Variants in INPP5F observed in about 807,000 individuals in gnomAD.
The protein encoded by INPP5F is phosphatidylinositide 4-phosphatase SAC2.
A neutral mutation model predicts 137.2 loss-of-function variants in INPP5F; 97 were observed. That is an observed-to-expected ratio of 0.71 (90% CI 0.60 to 0.84). The LOEUF is 0.84. Ranked by LOEUF, INPP5F falls within the 40% of genes least tolerant of loss-of-function variation. INPP5F has a pLI of 0.00. For missense variants in INPP5F, 1,271 were observed against 1,371.9 expected, an observed-to-expected ratio of 0.93 and a Z score of 1.16; for synonymous variants, 504 against 476.9, an observed-to-expected ratio of 1.06 and a Z score of -0.74.
At chr10:119,805,657 A>G (rs190396440) in intron 11 of INPP5F, among the ~76,000 whole-genome samples, 196 bp downstream of exon 11, 1 of 152,250 alleles carries the variant, frequency 6.6e-6, no homozygotes, top group Admixed American at 6.5e-5. Flanking sequence ...GAGGGTGTGA[A>G]ATGGTCAGGC....
At chr10:119,759,841 TTTC>T (rs1224335800) in intron 2 of INPP5F, among the ~76,000 whole-genome samples, 1 of 152,180 alleles carries the variant, frequency 6.6e-6, no homozygotes, top group African/African-American at 2.4e-5. Context: ...TCCTGTTCCT[TTTC>T]TTCTCTCCTC....
chr10:119,813,350 T>C (rs969983411), intron 15 of INPP5F, among the ~76,000 whole-genome samples: 1 of 152,128 alleles, frequency 6.6e-6, no homozygotes, highest in Non-Finnish European at 1.5e-5. Flanking sequence ...GCAATTATAT[T>C]AATAAAAATA....
At chr10:119,759,556 A>C (rs1002157628) in intron 2 of INPP5F, among the ~76,000 whole-genome samples, 23 of 151,374 alleles carry the variant, frequency 1.5e-4, no homozygotes, top group African/African-American at 5.3e-4. Flanking sequence ...GGGTTTCATC[A>C]TGTTGGCCAG....
chr10:119,789,467 C>T (rs142317696), intron 3 of INPP5F, among the ~76,000 whole-genome samples: 1 of 152,078 alleles, frequency 6.6e-6, no homozygotes, highest in East Asian at 1.9e-4. Flanking sequence ...GCTCTGCTGC[C>T]CCAGTGATGC....
intron 1 of INPP5F, among the ~76,000 whole-genome samples, chr10:119,731,538 C>A (rs1848067183): frequency 1.3e-5 from 2 of 152,014 alleles, no homozygotes; most frequent in Non-Finnish European, 1.5e-5. Context: ...GTGGCGGGTG[C>A]CTATAATCCC....
chr10:119,799,564 A>G (rs2134229728), intron 9 of INPP5F, among the ~76,000 whole-genome samples: 1 of 152,294 alleles, frequency 6.6e-6, no homozygotes, highest in African/African-American at 2.4e-5. Context: ...GAAAAAAAAT[A>G]TGAGGTTTGA....
chr10:119,764,966 C>T (rs1273422155), intron 2 of INPP5F, among the ~76,000 whole-genome samples: 1 of 151,566 alleles, frequency 6.6e-6, no homozygotes, highest in Non-Finnish European at 1.5e-5. Context: ...GAGTTTCCCT[C>T]TTGTCGCCCA....
rs61736542 is a variant in INPP5F, at chr10:119,827,404, C to A, written c.3023C>A (p.Pro1008His). The A allele has an allele frequency of 3.7e-6, 6 of 1,614,142 alleles. No individual in the cohort carries two copies. Among genetic ancestry groups the A allele is most frequent in the Non-Finnish European group, 5.1e-6 (6 of 1,179,998 alleles). ...ETQSESTEQT[P>H]SRPSQLDVSL... ...CAATCAGAATCAACAGAACAGACACCTTCTCGGCCATCGCAATTAGATGTC... is the reference window on the plus strand; with the variant it reads ...CAATCAGAATCAACAGAACAGACACATTCTCGGCCATCGCAATTAGATGTC... The change falls in exon 20 of 20, where the codon CCT becomes CAT. Residue 1008 changes from proline (P) to histidine (H), a missense_variant. Physicochemically the swap from Pro to His is moderately conservative, Grantham distance 77. Around this residue, in one of 6 missense-constraint regions of INPP5F, gnomAD observed 490 missense variants for 443.7 expected, o/e 1.10. Coordinates refer to ENST00000650623, the MANE Select transcript of INPP5F (RefSeq NM_014937.4).
Position 119,827,566 on chromosome 10 carries a change from G to C in INPP5F, c.3185G>C (p.Ser1062Thr), listed in dbSNP as rs373999944. The C allele has an allele frequency of 1.1e-5, 18 of 1,614,160 alleles. No homozygotes were observed. The highest frequency in any genetic ancestry group is 1.4e-5 in the Non-Finnish European group (16 of 1,180,026). ...GLHVTPSPSE[S>T]SSSRAVSPFA... ...CATGTAACTCCTTCTCCTTCAGAGA[G>C]CAGTAGCAGCAGAGCAGTCTCTCCC... The change falls in exon 20 of 20, where the codon AGC becomes ACC. Residue 1062 changes from serine (S) to threonine (T), a missense_variant. This residue lies in a region of INPP5F where 490 missense variants were observed against 443.7 expected (regional missense o/e 1.10). Coordinates refer to ENST00000650623, the MANE Select transcript of INPP5F (RefSeq NM_014937.4).
At chr10:119,798,662 TTTTC>T (rs751917204) in intron 9 of INPP5F, 52 bp downstream of exon 9, 21 of 1,298,182 alleles carry the variant, frequency 1.6e-5, no homozygotes, top group African/African-American at 4.4e-5. Context: ...AGAAATAACT[TTTTC>T]TTTAAGTTTC....
chr10:119,781,889 T>G, intron 3 of INPP5F, 118 bp downstream of exon 3: 2 of 817,088 alleles, frequency 2.4e-6, no homozygotes, highest in Non-Finnish European at 1.8e-6. Flanking sequence ...GTTTTTAAAA[T>G]AATTTAATCC....
chr10:119,775,000 A>T (rs1164325987), intron 2 of INPP5F, among the ~76,000 whole-genome samples: 1 of 151,990 alleles, frequency 6.6e-6, no homozygotes, highest in African/African-American at 2.4e-5. Flanking sequence ...ATCAAAAAAT[A>T]AAAAAAACTA....
chr10:119,744,343 G>A (rs1298191130), intron 1 of INPP5F, among the ~76,000 whole-genome samples: 6 of 152,062 alleles, frequency 3.9e-5, no homozygotes, highest in Non-Finnish European at 4.4e-5. Context: ...AAACAAAGAC[G>A]ACTTTGACTC....
intron 15 of INPP5F, among the ~76,000 whole-genome samples, chr10:119,814,053 C>T (rs756054455): frequency 5.3e-5 from 8 of 152,030 alleles, no homozygotes; most frequent in Non-Finnish European, 1.2e-4. Flanking sequence ...TTTGACTTCC[C>T]GATAACAGGG....
In INPP5F at chr10:119,827,909, G is replaced by A. The variant is rs1851838847; in HGVS notation, c.*129G>A. The A allele has an allele frequency of 1.3e-6, 1 of 751,424 alleles. No individual in the cohort carries two copies. Among genetic ancestry groups the A allele is most frequent in the Non-Finnish European group, 2.1e-6 (1 of 472,518 alleles). The allele number at this position is 751,424 out of a possible 1,614,324, so 46.5% of individuals were successfully genotyped here. On this transcript the variant is annotated 3_prime_UTR_variant, in exon 20 of 20. Coordinates refer to ENST00000650623, the MANE Select transcript of INPP5F (RefSeq NM_014937.4). ...CTGTTCATTGGAAAGGGTTTTAAACGGAGTCGGAACCTGAGTAGATTTCCA... is the reference window on the plus strand; with the variant it reads ...CTGTTCATTGGAAAGGGTTTTAAACAGAGTCGGAACCTGAGTAGATTTCCA...
intron 2 of INPP5F, among the ~76,000 whole-genome samples, chr10:119,774,868 T>G (rs908459473): frequency 6.6e-6 from 1 of 152,172 alleles, no homozygotes; most frequent in Non-Finnish European, 1.5e-5. Flanking sequence ...TTTAACCTTT[T>G]ATATTACATC....
At chr10:119,786,885 G>T (rs945448616) in intron 3 of INPP5F, among the ~76,000 whole-genome samples, 1 of 151,940 alleles carries the variant, frequency 6.6e-6, no homozygotes, top group Admixed American at 6.6e-5. Context: ...TCCAGTGAAG[G>T]TGTTTCCATG....
intron 1 of INPP5F, among the ~76,000 whole-genome samples, chr10:119,747,263 C>T (rs1411176185): frequency 1.3e-5 from 2 of 151,564 alleles, no homozygotes; most frequent in Non-Finnish European, 2.9e-5. Context: ...TTGCTCTGTC[C>T]CCCAGGCTGG....
chr10:119,762,162 G>A (rs1198576736), intron 2 of INPP5F, among the ~76,000 whole-genome samples: 2 of 152,192 alleles, frequency 1.3e-5, no homozygotes, highest in Non-Finnish European at 2.9e-5. Flanking sequence ...TGTTGTTCAA[G>A]GGTCAACTGT....
Sources: allele counts gnomAD v4.1 joint callset (sites outside exome capture counted in the v4.1 genomes callset), GRCh38; gene constraint gnomAD v4.1.1; regional missense constraint gnomAD v4.1.1; transcripts MANE v1.5; gene names NCBI Gene and HGNC (gene_info 2026-07-23, HGNC 2026-07-21).